Variants in GTF3A observed in about 807,000 individuals in gnomAD.
GTF3A encodes the protein transcription factor IIIA.
GTF3A carries 40 observed loss-of-function variants against 37.6 expected under a neutral mutation model. The observed-to-expected ratio is 1.06, with a 90% CI of 0.83 to 1.38. The LOEUF (loss-of-function observed/expected upper bound fraction) is 1.38, where lower values mean the gene tolerates loss of function less well. Ranked by LOEUF, GTF3A falls within the 40% of genes most tolerant of loss-of-function variation. The pLI, the probability that GTF3A is intolerant of heterozygous loss-of-function variation, is 0.00. For missense variants in GTF3A, 500 were observed against 462.6 expected (o/e 1.08, Z -0.74); for synonymous variants, 191 against 166.7 (o/e 1.15, Z -1.12).
At chr13:27,433,320 ATT>A (rs137955568) in intron 5 of GTF3A, among the ~76,000 whole-genome samples, 11 of 145,290 alleles carry the variant, frequency 7.6e-5, no homozygotes, top group Admixed American at 1.4e-4. Context: ...AGAATTTATG[ATT>A]TTTTTTTTTT....
chr13:27,429,358 G>C (rs1953637762), intron 2 of GTF3A: 2 of 145,746 alleles, frequency 1.4e-5, no homozygotes, highest in African/African-American at 2.5e-5. Flanking sequence ...TCAAAGCCAA[G>C]ATGCCAAGAT....
chr13:27,433,392 G>GGAAC (rs904939357), intron 5 of GTF3A, among the ~76,000 whole-genome samples: 1 of 150,842 alleles, frequency 6.6e-6, no homozygotes, highest in African/African-American at 2.4e-5. Context: ...CTAGTTGGGT[G>GGAAC]GAACTCAGCC....
intron 5 of GTF3A, 147 bp from the exon 6 acceptor site, chr13:27,433,992 T>C (rs1311527782): frequency 1.7e-6 from 1 of 582,528 alleles, no homozygotes. Context: ...AATCTTTTTT[T>C]AGTTTTTATT....
chr13:27,434,180 T>C lies in GTF3A; in HGVS notation c.604T>C (p.Trp202Arg). 2 of 1,421,656 alleles carry C rather than the reference T, an allele frequency of 1.4e-6. No individual in the cohort carries two copies. The highest frequency in any genetic ancestry group is 2.0e-6 in the Non-Finnish European group (2 of 1,004,318). The allele number at this position is 1,421,656 out of a possible 1,614,324, so 88.1% of individuals were successfully genotyped here. A position where few individuals can be genotyped will look rare whatever the true frequency, so the allele number is the denominator to read the frequency against. The change falls in exon 6 of 9, where the codon TGG becomes CGG. Residue 202 changes from tryptophan to arginine, a missense_variant. Coordinates refer to ENST00000381140, the MANE Select transcript of GTF3A (RefSeq NM_002097.3). ...AGGATGTTCCTTTGTGGCAAAAACA[T>C]GGACGGAACTTCTGAAACATGTGAG...
intron 6 of GTF3A, 86 bp from the exon 7 acceptor site, chr13:27,434,719 G>C (rs1953692981): frequency 2.9e-6 from 2 of 698,310 alleles, no homozygotes; most frequent in Admixed American, 5.4e-5. Flanking sequence ...TTCAGGCACT[G>C]AATGTTACTT....
chr13:27,429,250 C>G (rs1468614075), intron 2 of GTF3A: 9 of 142,320 alleles, frequency 6.3e-5, no homozygotes, highest in Non-Finnish European at 1.1e-4. Context: ...CCTGCTTCAT[C>G]CCTCAAGCTT....
In GTF3A at chr13:27,435,569, C is replaced by T. The variant is rs754577548; in HGVS notation, c.1070C>T (p.Ser357Leu). 5.6e-6 allele frequency: 9 copies of T among 1,613,546 alleles called. No individual in the cohort carries two copies. Among genetic ancestry groups the T allele is most frequent in the South Asian group, 3.3e-5 (3 of 91,082 alleles). ...AACTGTGTGGAAGACAAGATGCTCT[C>T]GACAGTTGCAGTACTTACCCTTGGC... The change falls in exon 9 of 9, where the codon TCG (serine) becomes TTG (leucine). Residue 357 changes from serine (S) to leucine (L), a missense_variant. Transcript: ENST00000381140.
At position 27,429,917 on chromosome 13, in the gene GTF3A, T is replaced by G. The variant is rs932087468; in HGVS notation, c.350T>G (p.Leu117Trp). The G allele has an allele frequency of 1.5e-5, 23 of 1,539,972 alleles. No homozygotes were observed. In the African/African-American group the frequency reaches 2.7e-4, roughly 18 times the overall value. Residue 117 changes from leucine (L) to tryptophan (W), a missense_variant, in exon 3 of 9, where the codon TTG becomes TGG. Physicochemically the swap from Leu to Trp is moderately conservative, Grantham distance 61. Transcript: ENST00000381140. The stretch of plus-strand genomic sequence containing the variant: ...CAAAAATTCAACACAAAATCAAACT[T>G]GAAGAAACATTTTGAACGCAAACAT...
chr13:27,435,119 C>A lies in GTF3A; in HGVS notation c.874-14C>A, dbSNP rs188994187. On this transcript the variant is annotated splice_polypyrimidine_tract_variant and intron_variant, in intron 7 of 8. Coordinates refer to ENST00000381140, the MANE Select transcript of GTF3A (RefSeq NM_002097.3). The stretch of plus-strand genomic sequence containing the variant: ...ATATTAATATTTCATTAATAACTTT[C>A]TCTTTCATTGTAGCAAAGTCTCACT... 23 of 1,603,378 alleles carry A rather than the reference C, an allele frequency of 1.4e-5. No individual in the cohort carries two copies. The Admixed American group carries it at 3.4e-4, about 23-fold the overall frequency.
At chr13:27,432,669 G>T (rs1387945943) in intron 4 of GTF3A, 62 bp from the exon 5 acceptor site, 11 of 1,351,954 alleles carry the variant, frequency 8.1e-6, no homozygotes, top group South Asian at 2.5e-5. Flanking sequence ...AAGTGCCATT[G>T]ACCTTGAGCG....
intron 6 of GTF3A, among the ~76,000 whole-genome samples, chr13:27,434,433 G>C (rs1205238957): frequency 6.6e-6 from 1 of 152,186 alleles, no homozygotes; most frequent in Non-Finnish European, 1.5e-5. Context: ...TGCTGAAGGC[G>C]GTGGCAGGTC....
chr13:27,434,083 T>TG, intron 5 of GTF3A, 56 bp from the exon 6 acceptor site: 1 of 766,370 alleles, frequency 1.3e-6, no homozygotes, highest in South Asian at 1.4e-5. Context: ...TTTCTAGTTA[T>TG]GGTCAGTGTT....
chr13:27,435,345 A>G (rs1307339827), intron 8 of GTF3A, 88 bp from the exon 9 acceptor site: 16 of 1,370,912 alleles, frequency 1.2e-5, no homozygotes, highest in Admixed American at 3.9e-5. Flanking sequence ...GTTGTACACT[A>G]TATCTGCTGG....
chr13:27,433,364 C>T (rs1052315013), intron 5 of GTF3A, among the ~76,000 whole-genome samples: 3 of 150,146 alleles, frequency 2.0e-5, no homozygotes, highest in Admixed American at 6.6e-5. Flanking sequence ...TGAGAGGCAG[C>T]CTCATTGTTT....
rs560750939 is a variant in GTF3A, at chr13:27,433,929, A to G, written c.563-210A>G. Reference sequence around the variant, plus strand: ...GAAGTTTGCTTCACAGGAAGGTAAAATCCTTAAAGGGAGGCACCTTGCTGT... The same window carrying G: ...GAAGTTTGCTTCACAGGAAGGTAAAGTCCTTAAAGGGAGGCACCTTGCTGT... On this transcript the variant is annotated intron_variant, in intron 5 of 8. Coordinates refer to ENST00000381140, the MANE Select transcript of GTF3A (RefSeq NM_002097.3). Among the ~76,000 whole-genome samples, 25 of 152,304 alleles carry G rather than the reference A, an allele frequency of 1.6e-4. No homozygotes were observed. In the East Asian group the frequency reaches 4.8e-3, roughly 29 times the overall value.
chr13:27,425,319 C>T (rs1262627023), intron 1 of GTF3A: 10 of 208,624 alleles, frequency 4.8e-5, no homozygotes, highest in East Asian at 1.1e-4. Flanking sequence ...GCAGCATGTG[C>T]TCATTTCTTC....
chr13:27,435,574 G>T lies in GTF3A; in HGVS notation c.1075G>T (p.Val359Phe). 6.2e-7 allele frequency: 1 copy of T among 1,613,646 alleles called. No individual in the cohort carries two copies. Among genetic ancestry groups the T allele is most frequent in the African/African-American group, 1.3e-5 (1 of 75,048 alleles). ...TGTGGAAGACAAGATGCTCTCGACA[G>T]TTGCAGTACTTACCCTTGGCTAAGA... is the stretch of plus-strand genomic sequence containing the variant. Residue 359 changes from valine to phenylalanine, a missense_variant, in exon 9 of 9, where the codon GTT becomes TTT. Physicochemically the swap from Val to Phe is conservative, Grantham distance 50 (BLOSUM62 -1). Transcript: ENST00000381140.
In GTF3A at chr13:27,430,622, G is replaced by A. The variant is rs1388826182; in HGVS notation, c.488+1G>A. 1 of 1,584,716 alleles carries A rather than the reference G, an allele frequency of 6.3e-7. No homozygotes were observed. ...AGCATACCAATGAACCTCTATTCAA[G>A]TAGGTACTTCATGTGGCTGAAAATG... On this transcript the variant is annotated splice_donor_variant, in intron 4 of 8. Coordinates refer to ENST00000381140, the MANE Select transcript of GTF3A (RefSeq NM_002097.3). LOFTEE classifies it high-confidence loss of function.
rs1271213463 is a variant in GTF3A, at chr13:27,424,881, C to T, written c.144C>T (p.Ser48=). 2 of 1,549,976 alleles carry T rather than the reference C, an allele frequency of 1.3e-6. No individual in the cohort carries two copies. Among genetic ancestry groups the T allele is most frequent in the Non-Finnish European group, 1.7e-6 (2 of 1,146,288 alleles). The change falls in exon 1 of 9, where the codon AGC becomes AGT. Residue 48 remains serine (S), a synonymous_variant. Transcript: ENST00000381140. ...TCATCTGCTCCTTCCCTGACTGCAG[C>T]GCCAATTACAGCAAAGCCTGGAAGC...
Sources: allele counts gnomAD v4.1 joint callset (sites outside exome capture counted in the v4.1 genomes callset), GRCh38; gene constraint gnomAD v4.1.1; transcripts MANE v1.5; gene names NCBI Gene and HGNC (gene_info 2026-07-23, HGNC 2026-07-21).